The following SMCP variants were observed in gnomAD, a reference collection of about 807,000 sequenced individuals.
The protein encoded by SMCP is sperm mitochondrial-associated cysteine-rich protein.
For missense variants in SMCP, 137 were observed against 137.1 expected (o/e 1.00, Z 0.01); for synonymous variants, 41 against 46.9 (o/e 0.87, Z 0.51).
intron 1 of SMCP, among the ~76,000 whole-genome samples, chr1:152,881,083 T>G (rs929683368): frequency 8.2e-6 from 1 of 121,760 alleles, no homozygotes; most frequent in Non-Finnish European, 1.8e-5. Flanking sequence ...AGTCTGAAAG[T>G]TACTGTTTCT....
rs995519891 is a variant in SMCP at position 152,884,905 on chromosome 1, C to T, written c.*132C>T. 5.1e-5 allele frequency: 39 copies of T among 761,224 alleles called. No homozygotes were observed. The highest frequency in any genetic ancestry group is 7.5e-5 in the Non-Finnish European group (35 of 468,608). The allele number at this position is 761,224 out of a possible 1,614,324, so 47.2% of individuals were successfully genotyped here. A position where few individuals can be genotyped will look rare whatever the true frequency, so the allele number is the denominator to read the frequency against. ...TTTCACAGTGACTACCATTTCCACCCAATGAGAGGCTCCTATTTCCCATCA... is the reference window on the plus strand; with the variant it reads ...TTTCACAGTGACTACCATTTCCACCTAATGAGAGGCTCCTATTTCCCATCA... On this transcript the variant is annotated 3_prime_UTR_variant, in exon 2 of 2. Transcript: ENST00000368765.
chr1:152,878,892 GGAAAGAGCACAT>G (rs1364239838), intron 1 of SMCP, among the ~76,000 whole-genome samples: 1 of 152,170 alleles, frequency 6.6e-6, no homozygotes, highest in East Asian at 1.9e-4. Context: ...GTTTAAGCTG[GGAAAGAGCACAT>G]TCAAAGACCT....
At chr1:152,880,146 G>A (rs1319791648) in intron 1 of SMCP, among the ~76,000 whole-genome samples, 1 of 152,020 alleles carries the variant, frequency 6.6e-6, no homozygotes, top group Non-Finnish European at 1.5e-5. Flanking sequence ...ATAGCAAAAG[G>A]CAAAAATAAA....
chr1:152,881,216 G>A (rs1649030627), intron 1 of SMCP, among the ~76,000 whole-genome samples: 1 of 152,074 alleles, frequency 6.6e-6, no homozygotes, highest in Admixed American at 6.5e-5. Flanking sequence ...CCATCATTCA[G>A]GATAGCCACA....
intron 1 of SMCP, among the ~76,000 whole-genome samples, chr1:152,878,973 A>T (rs1309492045): frequency 1.3e-5 from 2 of 152,178 alleles, no homozygotes; most frequent in East Asian, 3.9e-4. Flanking sequence ...TGCCTGAGGG[A>T]ACAGTGTTTG....
At chr1:152,880,736 TAG>T (rs1353303976) in intron 1 of SMCP, among the ~76,000 whole-genome samples, 3 of 151,972 alleles carry the variant, frequency 2.0e-5, no homozygotes, top group Non-Finnish European at 4.4e-5. Flanking sequence ...CTGGCAGAGA[TAG>T]AGTCATGACT....
chr1:152,881,541 A>G (rs1379951331), intron 1 of SMCP, among the ~76,000 whole-genome samples: 2 of 150,612 alleles, frequency 1.3e-5, no homozygotes, highest in Non-Finnish European at 2.9e-5. Context: ...ACAAAAAATT[A>G]GCCGGGCGTG....
At chr1:152,882,627 A>T (rs557114171) in intron 1 of SMCP, among the ~76,000 whole-genome samples, 31 of 152,290 alleles carry the variant, frequency 2.0e-4, no homozygotes, top group Admixed American at 9.1e-4. Flanking sequence ...ACCTATAATT[A>T]TGCATGGACA....
rs908105104 is a variant in SMCP, at chr1:152,882,223, G to C, written c.-20-2180G>C. On this transcript the variant is annotated intron_variant, in intron 1 of 1. Coordinates refer to ENST00000368765, the MANE Select transcript of SMCP (RefSeq NM_030663.3). The stretch of plus-strand genomic sequence containing the variant: ...CGACCTCAGGTGATCCACCTGCCTC[G>C]ACCTCCCAAAGTGCTGGGATTACAG... Among the ~76,000 whole-genome samples the C allele has an allele frequency of 1.7e-4, 26 of 152,152 alleles. No individual in the cohort carries two copies. In the East Asian group the frequency reaches 4.6e-3, roughly 27 times the overall value.
chr1:152,879,754 C>G (rs1404704557), intron 1 of SMCP, among the ~76,000 whole-genome samples: 1 of 152,170 alleles, frequency 6.6e-6, no homozygotes, highest in Non-Finnish European at 1.5e-5. Context: ...AGACTGGTTT[C>G]CAACCTGCTG....
chr1:152,880,686 A>G (rs1379261315), intron 1 of SMCP, among the ~76,000 whole-genome samples: 2 of 152,108 alleles, frequency 1.3e-5, no homozygotes, highest in Non-Finnish European at 2.9e-5. Flanking sequence ...AAATGGAAGC[A>G]GGGGCCTTTT....
chr1:152,884,355 C>A, intron 1 of SMCP, 48 bp from the exon 2 acceptor site: 3 of 1,469,550 alleles, frequency 2.0e-6, no homozygotes, highest in South Asian at 1.3e-5. Flanking sequence ...GAAATGAAAG[C>A]AGGCACCCAG....
At chr1:152,883,444 T>C (rs1557858145) in intron 1 of SMCP, among the ~76,000 whole-genome samples, 1 of 152,346 alleles carries the variant, frequency 6.6e-6, no homozygotes, top group East Asian at 1.9e-4. Flanking sequence ...TAGGGGCTTC[T>C]CCAGGGGCTG....
At chr1:152,881,445 T>G (rs1301631653) in intron 1 of SMCP, among the ~76,000 whole-genome samples, 1 of 151,842 alleles carries the variant, frequency 6.6e-6, no homozygotes, top group Non-Finnish European at 1.5e-5. Context: ...TCCCAGCACT[T>G]TGGGAGGCCG....
intron 1 of SMCP, among the ~76,000 whole-genome samples, chr1:152,882,026 AGT>A (rs886416372): frequency 6.6e-6 from 1 of 152,088 alleles, no homozygotes; most frequent in Non-Finnish European, 1.5e-5. Flanking sequence ...CCAAGGCTGG[AGT>A]GCAATGGCAC....
intron 1 of SMCP, among the ~76,000 whole-genome samples, chr1:152,878,771 G>C (rs1648945185): frequency 6.6e-6 from 1 of 152,224 alleles, no homozygotes; most frequent in Non-Finnish European, 1.5e-5. Flanking sequence ...CTTTCAGGGA[G>C]ATGGAGGTTT....
At chr1:152,882,642 C>T (rs1013914164) in intron 1 of SMCP, among the ~76,000 whole-genome samples, 1 of 151,732 alleles carries the variant, frequency 6.6e-6, no homozygotes, top group Non-Finnish European at 1.5e-5. Flanking sequence ...TGGACACATG[C>T]CTACATGCAC....
intron 1 of SMCP, among the ~76,000 whole-genome samples, chr1:152,881,715 A>G (rs1649059279): frequency 6.7e-6 from 1 of 150,330 alleles, no homozygotes; most frequent in Admixed American, 6.6e-5. Context: ...AAAAAAAAAG[A>G]TACTACCCAA....
Position 152,883,864 on chromosome 1 carries a change from T to C in SMCP, c.-20-539T>C, listed in dbSNP as rs143275384. 5.3e-5 allele frequency among the ~76,000 whole-genome samples: 8 copies of C among 152,334 alleles called. No individual in the cohort carries two copies. In the East Asian group the frequency reaches 1.4e-3, roughly 26 times the overall value. ...GGAAGCGTGTGACAGTTGGTCACTC[T>C]AAGTGCAAGAGTTTCATTGCACCTG... On this transcript the variant is annotated intron_variant, in intron 1 of 1. Transcript: ENST00000368765.
Sources: allele counts gnomAD v4.1 joint callset (sites outside exome capture counted in the v4.1 genomes callset), GRCh38; gene constraint gnomAD v4.1.1; transcripts MANE v1.5; gene names NCBI Gene and HGNC (gene_info 2026-07-23, HGNC 2026-07-21).